Variants in NSMAF observed in about 807,000 individuals in gnomAD.
NSMAF encodes the protein protein FAN.
A neutral mutation model predicts 134.9 loss-of-function variants in NSMAF; 90 were observed. That is an observed-to-expected ratio of 0.67 (90% CI 0.56 to 0.79). The LOEUF is 0.79. NSMAF is among the 30% of genes least tolerant of loss of function. The pLI is 0.00. For missense variants in NSMAF, 1,010 were observed against 1,119.0 expected (o/e 0.90, Z 1.39); for synonymous variants, 358 against 389.6 (o/e 0.92, Z 0.96).
chr8:58,640,149 T>C (rs1259343188), intron 2 of NSMAF: 1 of 444,132 alleles, frequency 2.3e-6, no homozygotes, highest in Non-Finnish European at 4.5e-6. Flanking sequence ...TACCACATCA[T>C]ACACTTGAAA....
intron 1 of NSMAF, among the ~76,000 whole-genome samples, chr8:58,656,112 A>G (rs1184441214): frequency 6.6e-6 from 1 of 151,624 alleles, no homozygotes; most frequent in Non-Finnish European, 1.5e-5. Flanking sequence ...TCCGCCTCCC[A>G]GGTTCAAGCA....
rs757956473 is a variant in NSMAF at position 58,635,487 on chromosome 8, A to C, written c.209T>G (p.Ile70Arg). Residue 70 changes from isoleucine to arginine, a missense_variant, in exon 3 of 31, where the codon ATA becomes AGA. Ile to Arg is a moderately conservative substitution (Grantham distance 97). Coordinates refer to ENST00000038176, the MANE Select transcript of NSMAF (RefSeq NM_003580.4). ...SKSVIFEPDS[I>R]SQPIIKIPLR... ...ATTTACCTTGATGATGGGCTGGGAT[A>C]TTGAATCTGGTTCAAAAATCACCGA... The C allele has an allele frequency of 1.6e-5, 26 of 1,605,242 alleles. No individual in the cohort carries two copies. In the South Asian group the frequency reaches 2.8e-4, roughly 17 times the overall value.
chr8:58,622,586 G>C (rs1003202497), intron 9 of NSMAF, among the ~76,000 whole-genome samples: 1 of 152,044 alleles, frequency 6.6e-6, no homozygotes, highest in Non-Finnish European at 1.5e-5. Flanking sequence ...GTAGAAACAG[G>C]GTTTCACTAT....
rs1357148589 is a variant in NSMAF at position 58,584,023 on chromosome 8, C to G, written c.*83G>C. 9.6e-7 allele frequency: 1 copy of G among 1,046,214 alleles called. No individual in the cohort carries two copies. Among genetic ancestry groups the G allele is most frequent in the Non-Finnish European group, 1.5e-6 (1 of 669,974 alleles). 64.8% of individuals were successfully genotyped at this position (1,046,214 alleles called of 1,614,324 possible). On this transcript the variant is annotated 3_prime_UTR_variant, in exon 31 of 31. Coordinates refer to ENST00000038176, the MANE Select transcript of NSMAF (RefSeq NM_003580.4). ...GTAAAACTTCTAATTACTAACATTG[C>G]ACATTCACCAGTCCGTTTAAAAGTT...
chr8:58,623,827 G>T, intron 6 of NSMAF, 47 bp from the exon 7 acceptor site: 1 of 1,439,772 alleles, frequency 6.9e-7, no homozygotes. Context: ...GAAGAAGTGT[G>T]CCAAACTATG....
intron 19 of NSMAF, among the ~76,000 whole-genome samples, chr8:58,598,490 CAAAAAA>C (rs71250204): frequency 1.6e-5 from 2 of 125,954 alleles, no homozygotes; most frequent in African/African-American, 6.3e-5. Flanking sequence ...CTGTCTCAAA[CAAAAAA>C]AAAAAAAAAA....
intron 1 of NSMAF, among the ~76,000 whole-genome samples, chr8:58,656,443 G>T (rs1250459757): frequency 6.6e-6 from 1 of 152,190 alleles, no homozygotes. Context: ...CAAACCAGAA[G>T]TCTGAGAGTA....
chr8:58,656,851 A>T (rs1255216400), intron 1 of NSMAF, among the ~76,000 whole-genome samples: 1 of 152,162 alleles, frequency 6.6e-6, no homozygotes, highest in Non-Finnish European at 1.5e-5. Flanking sequence ...AATAAAAAAA[A>T]TTAGTATAAG....
At chr8:58,591,819 A>C (rs1453307390) in intron 23 of NSMAF, among the ~76,000 whole-genome samples, 1 of 152,064 alleles carries the variant, frequency 6.6e-6, no homozygotes, top group Non-Finnish European at 1.5e-5. Flanking sequence ...AAGACTCACA[A>C]ATTACAAGGC....
chr8:58,637,017 TACAC>T (rs34638032), intron 2 of NSMAF, among the ~76,000 whole-genome samples: 75,188 of 146,860 alleles, frequency 0.51, 18,942 homozygotes, highest in African/African-American at 0.62. Flanking sequence ...ATTAAGATTA[TACAC>T]ACACACACAC....
rs113021646 is a variant in NSMAF at position 58,599,239 on chromosome 8, G to T, written c.1578C>A (p.Ala526=). ...YKQKGSDAVG[A]HNVFHPLTYE... ...TCAATGAATATTACATACCATTATG[G>T]GCCCCAACTGCATCACTCCCTTTTT... The change falls in exon 19 of 31, where the codon GCC becomes GCA. Residue 526 remains alanine, a synonymous_variant. Coordinates refer to ENST00000038176, the MANE Select transcript of NSMAF (RefSeq NM_003580.4). 6.8e-6 allele frequency: 11 copies of T among 1,612,574 alleles called. No homozygotes were observed. In the African/African-American group the frequency reaches 8.0e-5, roughly 12 times the overall value.
At chr8:58,599,633 T>C (rs1222251537) in intron 18 of NSMAF, 117 bp downstream of exon 18, 4 of 1,173,994 alleles carry the variant, frequency 3.4e-6, no homozygotes, top group Non-Finnish European at 3.6e-6. Flanking sequence ...GGCTCATATA[T>C]CCTTATTTAG....
chr8:58,601,546 G>A lies in NSMAF; in HGVS notation c.1126-11C>T, dbSNP rs199505849. On this transcript the variant is annotated splice_polypyrimidine_tract_variant and intron_variant, in intron 14 of 30. Transcript: ENST00000038176. ...TTCCTGGTAGCGTGTCTAGAATACA[G>A]AAAAAAAAAAAAAATAGAGCTAAGT... The A allele has an allele frequency of 7.3e-3, 10,529 of 1,441,630 alleles. 3 individuals are homozygous for A. Among genetic ancestry groups the A allele is most frequent in the South Asian group, 0.024 (1,665 of 68,182 alleles). The allele number at this position is 1,441,630 out of a possible 1,614,324, so 89.3% of individuals were successfully genotyped here.
At chr8:58,625,422 A>G (rs993895345) in intron 6 of NSMAF, among the ~76,000 whole-genome samples, 1 of 96,458 alleles carries the variant, frequency 1.0e-5, no homozygotes, top group Admixed American at 9.3e-5. Flanking sequence ...ATGTATATAT[A>G]TGTGTGAATG....
intron 9 of NSMAF, among the ~76,000 whole-genome samples, chr8:58,619,894 A>G (rs1316244705): frequency 1.3e-5 from 2 of 152,198 alleles, no homozygotes; most frequent in Non-Finnish European, 2.9e-5. Context: ...GCCTAAGACC[A>G]AGAATATTGA....
chr8:58,655,907 T>TAA (rs199901708), intron 1 of NSMAF, among the ~76,000 whole-genome samples: 11 of 148,170 alleles, frequency 7.4e-5, no homozygotes, highest in Admixed American at 2.7e-4. Context: ...TCCGTCTCAA[T>TAA]AAAAAAAAAC....
At chr8:58,633,346 G>A (rs1807100214) in intron 5 of NSMAF, among the ~76,000 whole-genome samples, 1 of 152,194 alleles carries the variant, frequency 6.6e-6, no homozygotes, top group Non-Finnish European at 1.5e-5. Context: ...GAATACCAGT[G>A]TTTGTGATAA....
At chr8:58,629,989 G>A (rs1807020584) in intron 6 of NSMAF, among the ~76,000 whole-genome samples, 1 of 152,124 alleles carries the variant, frequency 6.6e-6, no homozygotes, top group Admixed American at 6.5e-5. Context: ...CCAGTCCCTT[G>A]GGCAGCTCCC....
At position 58,601,537 on chromosome 8, in the gene NSMAF, T is replaced by TAAAA; in HGVS notation, c.1126-3_1126-2insTTTT. ...TTCAGGCATTTCCTGGTAGCGTGTC[T>TAAAA]AGAATACAGAAAAAAAAAAAAAATA... On this transcript the variant is annotated splice_polypyrimidine_tract_variant and splice_region_variant and intron_variant, in intron 14 of 30. Coordinates refer to ENST00000038176, the MANE Select transcript of NSMAF (RefSeq NM_003580.4). 1 of 1,448,016 alleles carries TAAAA rather than the reference T, an allele frequency of 6.9e-7. No homozygotes were observed. Among genetic ancestry groups the TAAAA allele is most frequent in the Admixed American group, 2.5e-5 (1 of 39,570 alleles). 89.7% of individuals were successfully genotyped at this position (1,448,016 alleles called of 1,614,324 possible).
Sources: allele counts gnomAD v4.1 joint callset (sites outside exome capture counted in the v4.1 genomes callset), GRCh38; gene constraint gnomAD v4.1.1; transcripts MANE v1.5; gene names NCBI Gene and HGNC (gene_info 2026-07-23, HGNC 2026-07-21).